TXNDC16: variants seen among roughly 807,000 people sequenced by gnomAD.
TXNDC16 encodes thioredoxin domain-containing protein 16.
In TXNDC16, 74 loss-of-function variants were observed where a neutral mutation model predicts 85.6. The ratio of observed to expected loss-of-function variants is 0.86; its 90% CI spans 0.72 to 1.05. TXNDC16 has a LOEUF of 1.05. Ranked by LOEUF, TXNDC16 falls within the 50% of genes least tolerant of loss-of-function variation. The probability of loss-of-function intolerance (pLI) is 0.00; values close to 1 mark genes in which losing one functional copy is unlikely to be tolerated. For synonymous variants in TXNDC16, 335 were observed against 326.5 expected, an observed-to-expected ratio of 1.03 and a Z score of -0.28; for missense variants, 959 against 947.0, an observed-to-expected ratio of 1.01 and a Z score of -0.17.
At chr14:52,549,313 TA>T (rs2037999030) in intron 1 of TXNDC16, among the ~76,000 whole-genome samples, 1 of 152,148 alleles carries the variant, frequency 6.6e-6, no homozygotes. Context: ...GACATGTAAC[TA>T]AAGACTAATA....
At chr14:52,444,104 GGAATGGT>G (rs2035226841) in intron 18 of TXNDC16, among the ~76,000 whole-genome samples, 1 of 152,060 alleles carries the variant, frequency 6.6e-6, no homozygotes, top group Non-Finnish European at 1.5e-5. Context: ...ATGTTGAGGA[GGAATGGT>G]ATAGACAACA....
intron 6 of TXNDC16, among the ~76,000 whole-genome samples, chr14:52,526,899 T>A (rs527899317): frequency 4.6e-5 from 7 of 151,728 alleles, no homozygotes; most frequent in Non-Finnish European, 8.8e-5. Context: ...AAAGCCTCCA[T>A]AAAACCGCAA....
rs747568121 is a variant in TXNDC16 at position 52,440,602 on chromosome 14, C to G, written c.1965G>C (p.Gln655His). 2 of 1,607,258 alleles carry G rather than the reference C, an allele frequency of 1.2e-6. No homozygotes were observed. Among genetic ancestry groups the G allele is most frequent in the East Asian group, 4.5e-5 (2 of 44,314 alleles). Residue 655 changes from glutamine (Q) to histidine (H), a missense_variant, in exon 19 of 21, where the codon CAG becomes CAC. Gln to His is a conservative substitution (Grantham distance 24, BLOSUM62 0). Transcript: ENST00000281741. ...ATGGAGTAAATGAATCCAAGTATTT[C>G]TGCTTTACCAGTGTCAATATTGCTT... ...YKKAILTLVK[Q>H]KYLDSFTPCW...
At chr14:52,549,993 C>T (rs529767398) in intron 1 of TXNDC16, among the ~76,000 whole-genome samples, 39 of 152,266 alleles carry the variant, frequency 2.6e-4, no homozygotes, top group African/African-American at 9.4e-4. Flanking sequence ...CATCTGTCCT[C>T]TCAGAACAAC....
intron 19 of TXNDC16, among the ~76,000 whole-genome samples, chr14:52,439,682 C>G (rs532170153): frequency 1.3e-5 from 2 of 152,276 alleles, no homozygotes; most frequent in Admixed American, 1.3e-4. Flanking sequence ...TTAGGCTTGA[C>G]GCAACCAGTA....
intron 20 of TXNDC16, among the ~76,000 whole-genome samples, chr14:52,433,429 T>C (rs193241658): frequency 1.2e-4 from 19 of 152,290 alleles, no homozygotes; most frequent in Middle Eastern, 6.8e-3. Context: ...TATAAGGAAA[T>C]GTACAAAGTA....
At chr14:52,516,929 T>G (rs1415997523) in intron 7 of TXNDC16, among the ~76,000 whole-genome samples, 1 of 152,158 alleles carries the variant, frequency 6.6e-6, no homozygotes, top group Non-Finnish European at 1.5e-5. Flanking sequence ...TTTATTATTA[T>G]CCAGGTAGAT....
At chr14:52,474,730 C>CA (rs200222566) in intron 14 of TXNDC16, among the ~76,000 whole-genome samples, 271 of 125,904 alleles carry the variant, frequency 2.2e-3, no homozygotes, top group East Asian at 5.1e-3. Flanking sequence ...AACTCCATCT[C>CA]AAAAAAAAAA....
intron 7 of TXNDC16, among the ~76,000 whole-genome samples, chr14:52,516,204 G>C (rs999488445): frequency 6.6e-6 from 1 of 151,990 alleles, no homozygotes; most frequent in Non-Finnish European, 1.5e-5. Context: ...GGTCCTTTTT[G>C]CCTGTTATCC....
Position 52,514,896 on chromosome 14 carries a change from G to C in TXNDC16, c.589C>G (p.Leu197Val), listed in dbSNP as rs2037043491. 2 of 1,611,270 alleles carry C rather than the reference G, an allele frequency of 1.2e-6. No individual in the cohort carries two copies. Among genetic ancestry groups the C allele is most frequent in the South Asian group, 2.2e-5 (2 of 90,672 alleles). Residue 197 changes from leucine to valine, a missense_variant, in exon 8 of 21, where the codon CTT becomes GTT. By Grantham distance (32) the Leu-to-Val change is conservative. Transcript: ENST00000281741. ...YQFVLTTEIA[L>V]LESIGSEDVE... The stretch of plus-strand genomic sequence containing the variant: ...TATACATACCCAATACTTTCCAAAA[G>C]GGCAATTTCTGTGGTTAAGACAAAT...
intron 6 of TXNDC16, among the ~76,000 whole-genome samples, chr14:52,526,698 C>A (rs977488495): frequency 6.6e-6 from 1 of 152,216 alleles, no homozygotes; most frequent in Non-Finnish European, 1.5e-5. Context: ...AAACTGATGT[C>A]TTGTGTATGC....
Position 52,491,710 on chromosome 14 carries a change from T to C in TXNDC16, c.757-705A>G, listed in dbSNP as rs1432545396. Among the ~76,000 whole-genome samples the C allele has an allele frequency of 2.0e-5, 3 of 152,056 alleles. No individual in the cohort carries two copies. The East Asian group carries it at 5.8e-4, about 29-fold the overall frequency. On this transcript the variant is annotated intron_variant, in intron 9 of 20. Coordinates refer to ENST00000281741, the MANE Select transcript of TXNDC16 (RefSeq NM_020784.3). ...CATATAATGACACATTACAAAACAA[T>C]GAGGAATATCTGAGTTAAAGTAGCA...
Position 52,470,630 on chromosome 14 carries a change from C to A in TXNDC16, c.1363G>T (p.Val455Leu). Reference sequence around the variant, plus strand: ...TCAGTAACATTTTGCTTAGTACATACATCAGACCAATCTGCACAGTTTATT... The same window carrying A: ...TCAGTAACATTTTGCTTAGTACATAAATCAGACCAATCTGCACAGTTTATT... ...TRINCADWSD[V>L]CTKQNVTEFP... is the part of the protein sequence containing the mutation. Residue 455 changes from valine to leucine, a missense_variant, in exon 15 of 21, where the codon GTA becomes TTA. Coordinates refer to ENST00000281741, the MANE Select transcript of TXNDC16 (RefSeq NM_020784.3). The A allele has an allele frequency of 6.2e-7, 1 of 1,613,788 alleles. No homozygotes were observed. Among genetic ancestry groups the A allele is most frequent in the Non-Finnish European group, 8.5e-7 (1 of 1,179,854 alleles).
intron 9 of TXNDC16, among the ~76,000 whole-genome samples, chr14:52,500,201 A>T (rs2036624079): frequency 6.6e-6 from 1 of 152,222 alleles, no homozygotes; most frequent in Admixed American, 6.5e-5. Context: ...GGTGGAAGCA[A>T]CCTAAACGTC....
intron 16 of TXNDC16, among the ~76,000 whole-genome samples, chr14:52,463,928 A>T (rs2035712697): frequency 6.6e-6 from 1 of 152,272 alleles, no homozygotes; most frequent in African/African-American, 2.4e-5. Flanking sequence ...ACAAACTAAA[A>T]GAAATAAAAA....
chr14:52,455,322 A>G lies in TXNDC16; in HGVS notation c.1842+2T>C. ...ATCACCCTTATTATAAAACATACTC[A>G]CAAACATTTCCAGTAGTGCATCTGT... is the stretch of plus-strand genomic sequence containing the variant. On this transcript the variant is annotated splice_donor_variant, in intron 18 of 20. Transcript: ENST00000281741. LOFTEE classifies it high-confidence loss of function. 1 of 1,613,502 alleles carries G rather than the reference A, an allele frequency of 6.2e-7. No individual in the cohort carries two copies. Among genetic ancestry groups the G allele is most frequent in the South Asian group, 1.1e-5 (1 of 90,944 alleles).
chr14:52,544,535 A>G (rs2037901494), intron 1 of TXNDC16, among the ~76,000 whole-genome samples, 164 bp from the exon 2 acceptor site: 1 of 152,118 alleles, frequency 6.6e-6, no homozygotes. Context: ...AAACAGCAAT[A>G]GATTATTTCT....
chr14:52,505,030 A>C (rs2036760225), intron 9 of TXNDC16, among the ~76,000 whole-genome samples: 1 of 152,218 alleles, frequency 6.6e-6, no homozygotes, highest in Non-Finnish European at 1.5e-5. Flanking sequence ...ACTATCGTAA[A>C]TATATATGCG....
At chr14:52,467,223 T>C (rs906618140) in intron 16 of TXNDC16, among the ~76,000 whole-genome samples, 1 of 151,936 alleles carries the variant, frequency 6.6e-6, no homozygotes. Context: ...AAAAATTAAG[T>C]TGGCACCAAC....
Sources: gnomAD v4.1 joint callset for allele counts (sites outside exome capture counted in the v4.1 genomes callset) on GRCh38, gnomAD v4.1.1 for gene constraint, MANE v1.5 for transcripts, NCBI Gene and HGNC (gene_info 2026-07-23, HGNC 2026-07-21) for gene names.